Variants in TBCCD1 observed in about 807,000 individuals in gnomAD.
The protein encoded by TBCCD1 is TBCC domain-containing protein 1.
A neutral mutation model predicts 53.4 loss-of-function variants in TBCCD1; 26 were observed. The ratio of observed to expected loss-of-function variants is 0.49; its 90% CI spans 0.36 to 0.68. The LOEUF (loss-of-function observed/expected upper bound fraction) is 0.68, where lower values mean the gene tolerates loss of function less well. TBCCD1 is among the 30% of genes least tolerant of loss of function. The pLI, the probability that TBCCD1 is intolerant of heterozygous loss-of-function variation, is 0.00. For synonymous variants in TBCCD1, 245 were observed against 241.7 expected (o/e 1.01, Z -0.13); for missense variants, 558 against 669.5 (o/e 0.83, Z 1.84).
At position 186,556,677 on chromosome 3, in the gene TBCCD1, A is replaced by G; in HGVS notation, c.591T>C (p.His197=). 1 of 1,614,206 alleles carries G rather than the reference A, an allele frequency of 6.2e-7. No homozygotes were observed. The highest frequency in any genetic ancestry group is 8.5e-7 in the Non-Finnish European group (1 of 1,180,032). ...LDPKQLTASF[H]STHSSLVSRE... is the part of the protein sequence containing the mutation. ...GAGACACTAGACTACTATGGGTTGA[A>G]TGAAATGATGCAGTGAGTTGTTTTG... The change falls in exon 4 of 8, where the codon CAT becomes CAC. Residue 197 remains histidine (H), a synonymous_variant. Transcript: ENST00000338733.
upstream of TBCCD1, chr3:186,567,508 C>G (rs938470097): frequency 6.6e-6 from 1 of 152,252 alleles, no homozygotes; most frequent in Non-Finnish European, 1.5e-5. Flanking sequence ...GGAGCCAGAC[C>G]CACCGCTTTC....
chr3:186,567,756 A>G (rs1420998176), upstream of TBCCD1, among the ~76,000 whole-genome samples: 1 of 152,222 alleles, frequency 6.6e-6, no homozygotes, highest in Non-Finnish European at 1.5e-5. Flanking sequence ...ACTGATGAAG[A>G]AACTAGGGCC....
In TBCCD1 at chr3:186,558,589, T is replaced by C. The variant is rs771308656; in HGVS notation, c.337-17A>G. 3.7e-6 allele frequency: 6 copies of C among 1,610,384 alleles called. No individual in the cohort carries two copies. The South Asian group carries it at 6.6e-5, about 18-fold the overall frequency. On this transcript the variant is annotated splice_polypyrimidine_tract_variant and intron_variant, in intron 2 of 7. Coordinates refer to ENST00000338733, the MANE Select transcript of TBCCD1 (RefSeq NM_018138.5). ...CACTGAAAGCTGTCCAAGAAGAAAATAAAAGATGAATAGACGTTTTAAAAC... is the reference window on the plus strand; with the variant it reads ...CACTGAAAGCTGTCCAAGAAGAAAACAAAAGATGAATAGACGTTTTAAAAC...
At position 186,547,682 on chromosome 3, in the gene TBCCD1, C is replaced by T. The variant is rs139188221; in HGVS notation, c.*22-727G>A. Among the ~76,000 whole-genome samples the T allele has an allele frequency of 8.2e-3, 1,244 of 150,838 alleles. 21 individuals carry two copies. The highest frequency in any genetic ancestry group is 0.028 in the African/African-American group (1,157 of 40,928). ...AGTGCAGTGGGGTGCTCTCGGCTCA[C>T]TGCAAGCTTCGCCTCCAAGGTTCAC... On this transcript the variant is annotated intron_variant, in intron 7 of 7. Transcript: ENST00000338733.
chr3:186,556,765 T>C lies in TBCCD1; in HGVS notation c.503A>G (p.Asp168Gly). 1 of 1,607,758 alleles carries C rather than the reference T, an allele frequency of 6.2e-7. No homozygotes were observed. The highest frequency in any genetic ancestry group is 8.5e-7 in the Non-Finnish European group (1 of 1,178,730). The change falls in exon 4 of 8, where the codon GAT (aspartate) becomes GGT (glycine). Residue 168 changes from aspartate (D) to glycine (G), a missense_variant. Coordinates refer to ENST00000338733, the MANE Select transcript of TBCCD1 (RefSeq NM_018138.5). ...KSNCHNKNWN[D>G]YSHQAFVYDH... ...ATAGACAAAAGCTTGGTGACTGTAA[T>C]CATTCCAGTTCTAAAAAAAAGTTAA...
chr3:186,550,176 G>A (rs2108453265), intron 7 of TBCCD1, among the ~76,000 whole-genome samples: 1 of 146,804 alleles, frequency 6.8e-6, no homozygotes, highest in Admixed American at 6.9e-5. Flanking sequence ...GCAGTGAACT[G>A]AGATTGTGCC....
At chr3:186,563,912 A>C in intron 2 of TBCCD1, 82 bp downstream of exon 2, 1 of 1,444,492 alleles carries the variant, frequency 6.9e-7, no homozygotes. Context: ...TAAAAATTGT[A>C]ATAAGCAAAA....
Position 186,564,271 on chromosome 3 carries a change from A to G in TBCCD1, c.59T>C (p.Leu20Ser), listed in dbSNP as rs752064399. 6.2e-7 allele frequency: 1 copy of G among 1,614,160 alleles called. No homozygotes were observed. Among genetic ancestry groups the G allele is most frequent in the African/African-American group, 1.3e-5 (1 of 75,030 alleles). Residue 20 changes from leucine to serine, a missense_variant, in exon 2 of 8, where the codon TTG becomes TCG. Leu to Ser is a moderately radical substitution (Grantham distance 145). Transcript: ENST00000338733. Reference sequence around the variant, plus strand: ...AAACTTGGATGGAGGGGGGACCTGCAAGGCACCCACTATAAAGGGTTCTGC... The same window carrying G: ...AAACTTGGATGGAGGGGGGACCTGCGAGGCACCCACTATAAAGGGTTCTGC... ...VKAEPFIVGALQVPPPSKFSL... is the reference protein window; with the variant it reads ...VKAEPFIVGASQVPPPSKFSL...
At position 186,564,089 on chromosome 3, in the gene TBCCD1, T is replaced by C. The variant is rs779363204; in HGVS notation, c.241A>G (p.Ser81Gly). The C allele has an allele frequency of 1.9e-6, 3 of 1,614,210 alleles. No individual in the cohort carries two copies. Among genetic ancestry groups the C allele is most frequent in the Admixed American group, 3.3e-5 (2 of 60,022 alleles). ...TCCTCAGGTGTCTTCATTGAAAGAC[T>C]ATCAAATATTTCGAAGTAAAGCCAC... Reference protein sequence around the residue: ...LAWLYFEIFDSLSMKTPEERL... With the variant: ...LAWLYFEIFDGLSMKTPEERL... Residue 81 changes from serine (S) to glycine (G), a missense_variant, in exon 2 of 8, where the codon AGT becomes GGT. Ser to Gly is a moderately conservative substitution (Grantham distance 56). Coordinates refer to ENST00000338733, the MANE Select transcript of TBCCD1 (RefSeq NM_018138.5).
intron 2 of TBCCD1, among the ~76,000 whole-genome samples, chr3:186,559,493 C>T (rs761769479): frequency 7.2e-5 from 11 of 152,196 alleles, no homozygotes; most frequent in Non-Finnish European, 1.2e-4. Context: ...AAGCTCACGA[C>T]TTGAAGCCCC....
rs748307351 is a variant in TBCCD1 at position 186,554,351 on chromosome 3, G to A, written c.1447C>T (p.Pro483Ser). 2.5e-6 allele frequency: 4 copies of A among 1,614,194 alleles called. No individual in the cohort carries two copies. The highest frequency in any genetic ancestry group is 2.2e-5 in the East Asian group (1 of 44,884). The change falls in exon 6 of 8, where the codon CCC becomes TCC. Residue 483 changes from proline to serine, a missense_variant. By Grantham distance (74) the Pro-to-Ser change is moderately conservative. Transcript: ENST00000338733. ...FEMEGDTTEI[P>S]GGLPSVYQKA... is the part of the protein sequence containing the mutation. ...TGATATACAGATGGAAGACCCCCGG[G>A]TATCTCTGTTGTGTCCCCTTCCATT...
At chr3:186,567,028 T>C (rs897701170) in intron 1 of TBCCD1, among the ~76,000 whole-genome samples, 2 of 152,062 alleles carry the variant, frequency 1.3e-5, no homozygotes, top group Non-Finnish European at 2.9e-5. Flanking sequence ...GGTCGGGAGA[T>C]CGGCGTGGGT....
Position 186,558,167 on chromosome 3 carries a change from C to T in TBCCD1, c.492+250G>A, listed in dbSNP as rs190804387. 1.5e-3 allele frequency among the ~76,000 whole-genome samples: 221 copies of T among 152,254 alleles called. 1 individual carries two copies. Among genetic ancestry groups the T allele is most frequent in the African/African-American group, 5.2e-3 (215 of 41,524 alleles). ...GTTGAAAACGGCAGTGCTAATTGAA[C>T]ATAGTGATGATCTGCCCACAAATCA... is the stretch of plus-strand genomic sequence containing the variant. On this transcript the variant is annotated intron_variant, in intron 3 of 7. Transcript: ENST00000338733.
chr3:186,551,580 C>T (rs1714382344), intron 6 of TBCCD1, among the ~76,000 whole-genome samples: 1 of 152,178 alleles, frequency 6.6e-6, no homozygotes, highest in African/African-American at 2.4e-5. Context: ...CCTGTTGAAG[C>T]AGGATGACAC....
chr3:186,564,093 A>C lies in TBCCD1; in HGVS notation c.237T>G (p.Phe79Leu). Residue 79 changes from phenylalanine to leucine, a missense_variant, in exon 2 of 8, where the codon TTT becomes TTG. By Grantham distance (22) the Phe-to-Leu change is conservative. Coordinates refer to ENST00000338733, the MANE Select transcript of TBCCD1 (RefSeq NM_018138.5). ...CAGGTGTCTTCATTGAAAGACTATC[A>C]AATATTTCGAAGTAAAGCCACGCCA... ...KDLAWLYFEI[F>L]DSLSMKTPEE... 2 of 1,614,170 alleles carry C rather than the reference A, an allele frequency of 1.2e-6. No homozygotes were observed. The highest frequency in any genetic ancestry group is 8.5e-7 in the Non-Finnish European group (1 of 1,180,024).
chr3:186,548,738 T>C (rs1191457143), intron 7 of TBCCD1, among the ~76,000 whole-genome samples: 1 of 152,158 alleles, frequency 6.6e-6, no homozygotes, highest in Non-Finnish European at 1.5e-5. Context: ...ACATCTTCAG[T>C]TACAAAATTT....
intron 7 of TBCCD1, among the ~76,000 whole-genome samples, chr3:186,549,131 T>C (rs1313554643): frequency 6.6e-6 from 1 of 151,484 alleles, no homozygotes; most frequent in Non-Finnish European, 1.5e-5. Flanking sequence ...CTACTAAAAA[T>C]ACAAAAATTA....
chr3:186,551,676 T>C (rs1366878861), intron 6 of TBCCD1, among the ~76,000 whole-genome samples: 2 of 152,060 alleles, frequency 1.3e-5, no homozygotes, highest in Non-Finnish European at 2.9e-5. Context: ...GAAAGATAGG[T>C]AAAAATAAAA....
At chr3:186,563,955 T>C in intron 2 of TBCCD1, 39 bp downstream of exon 2, 1 of 1,507,266 alleles carries the variant, frequency 6.6e-7, no homozygotes, top group Non-Finnish European at 8.8e-7. Context: ...ATGGTTTCTT[T>C]CCAAAAGTAA....
Sources: allele counts gnomAD v4.1 joint callset (sites outside exome capture counted in the v4.1 genomes callset), GRCh38; gene constraint gnomAD v4.1.1; transcripts MANE v1.5; gene names NCBI Gene and HGNC (gene_info 2026-07-23, HGNC 2026-07-21).